The following CSMD3 variants were observed in gnomAD, a reference collection of about 807,000 sequenced individuals.
CSMD3 encodes the protein CUB and Sushi multiple domains 3, also known as CUB and sushi domain-containing protein 3.
In CSMD3, 177 loss-of-function variants were observed where a neutral mutation model predicts 435.2. The observed-to-expected ratio is 0.41, with a 90% confidence interval of 0.36 to 0.46. CSMD3 has a LOEUF of 0.46. CSMD3 is among the 20% of genes least tolerant of loss of function. The pLI, the probability that CSMD3 is intolerant of heterozygous loss-of-function variation, is 0.34. For synonymous variants in CSMD3, 1,656 were observed against 1,520.5 expected (o/e 1.09, Z -2.07); for missense variants, 4,265 against 4,504.6 (o/e 0.95, Z 1.52).
chr8:112,447,615 C>T (rs551238713), intron 32 of CSMD3, among the ~76,000 whole-genome samples: 2 of 152,102 alleles, frequency 1.3e-5, no homozygotes, highest in Admixed American at 1.3e-4. Context: ...CTCTGTGGAC[C>T]TAGCTATCTG....
intron 32 of CSMD3, among the ~76,000 whole-genome samples, chr8:112,420,124 C>G (rs895092130): frequency 6.6e-6 from 1 of 152,090 alleles, no homozygotes; most frequent in African/African-American, 2.4e-5. Context: ...CTCCTATGGA[C>G]TATAAATTAA....
intron 3 of CSMD3, among the ~76,000 whole-genome samples, chr8:113,198,255 T>G (rs1311897922): frequency 1.3e-5 from 2 of 151,370 alleles, no homozygotes; most frequent in African/African-American, 2.4e-5. Flanking sequence ...GATAATAACT[T>G]CCACACGTGG....
At chr8:112,380,223 A>G in intron 38 of CSMD3, 129 bp downstream of exon 38, 1 of 577,804 alleles carries the variant, frequency 1.7e-6, no homozygotes, top group Non-Finnish European at 3.1e-6. Context: ...AATAGTTCAA[A>G]CTTTCAAGAA....
At chr8:112,738,077 G>A (rs1257038461) in intron 13 of CSMD3, among the ~76,000 whole-genome samples, 1 of 151,752 alleles carries the variant, frequency 6.6e-6, no homozygotes, top group Non-Finnish European at 1.5e-5. Context: ...GATAAGACCT[G>A]ACGTTGGTTT....
At chr8:113,306,876 A>G (rs1032141669) in intron 2 of CSMD3, among the ~76,000 whole-genome samples, 10 of 152,152 alleles carry the variant, frequency 6.6e-5, no homozygotes, top group Non-Finnish European at 1.5e-4. Flanking sequence ...AATTATGTCC[A>G]TTAGGCTTTT....
intron 7 of CSMD3, among the ~76,000 whole-genome samples, chr8:112,963,181 C>G (rs1335057309): frequency 6.6e-6 from 1 of 151,888 alleles, no homozygotes; most frequent in East Asian, 1.9e-4. Context: ...TCTTTTAATG[C>G]AAGGCTACAA....
chr8:112,934,934 G>GT (rs1453759790), intron 9 of CSMD3, among the ~76,000 whole-genome samples: 1 of 151,696 alleles, frequency 6.6e-6, no homozygotes, highest in East Asian at 1.9e-4. Context: ...TTCTGATTTT[G>GT]TTTTTTTGCC....
At chr8:112,779,206 T>C (rs2078320573) in intron 13 of CSMD3, among the ~76,000 whole-genome samples, 1 of 151,682 alleles carries the variant, frequency 6.6e-6, no homozygotes, top group Non-Finnish European at 1.5e-5. Context: ...TGTATATGTA[T>C]TTAACATTGA....
At chr8:113,153,130 A>AGAGAAAGAAGGAAGGAAGGAAG (rs2091858997) in intron 4 of CSMD3, among the ~76,000 whole-genome samples, 2 of 82,734 alleles carry the variant, frequency 2.4e-5, no homozygotes, top group African/African-American at 1.3e-4. Context: ...AGAAAGAGAA[A>AGAGAAAGAAGGAAGGAAGGAAG]GAAGGAAGGA....
intron 1 of CSMD3, among the ~76,000 whole-genome samples, chr8:113,399,144 A>G (rs1168136067): frequency 6.8e-6 from 1 of 146,966 alleles, no homozygotes; most frequent in Non-Finnish European, 1.5e-5. Context: ...GTGTGTATAT[A>G]TACAGTAATT....
chr8:112,399,562 C>A (rs1831144793), intron 35 of CSMD3, among the ~76,000 whole-genome samples: 1 of 152,044 alleles, frequency 6.6e-6, no homozygotes, highest in South Asian at 2.1e-4. Flanking sequence ...GTCCCGATTT[C>A]CAATCAATTA....
rs534696340 is a variant in CSMD3 at position 112,855,122 on chromosome 8, T to C, written c.1755+4023A>G. 1.5e-4 allele frequency among the ~76,000 whole-genome samples: 23 copies of C among 152,276 alleles called. No homozygotes were observed. In the Middle Eastern group the frequency reaches 0.01, roughly 68 times the overall value. On this transcript the variant is annotated intron_variant, in intron 11 of 70. Coordinates refer to ENST00000297405, the MANE Select transcript of CSMD3 (RefSeq NM_198123.2). ...TCATAATATCTGTGGTTAAATAAAA[T>C]ATAAAATTAAAATTAATTTCATCTC...
intron 63 of CSMD3, among the ~76,000 whole-genome samples, chr8:112,250,192 C>T (rs1815138883): frequency 1.3e-5 from 2 of 151,878 alleles, no homozygotes; most frequent in South Asian, 4.1e-4. Context: ...TGTTGGACTA[C>T]ATACACTTTG....
intron 22 of CSMD3, among the ~76,000 whole-genome samples, chr8:112,613,100 ATG>A (rs1484889353): frequency 6.6e-6 from 1 of 152,032 alleles, no homozygotes; most frequent in Non-Finnish European, 1.5e-5. Flanking sequence ...AGGAAAGTCT[ATG>A]TGTTATAAAA....
intron 4 of CSMD3, among the ~76,000 whole-genome samples, chr8:113,140,159 C>T (rs889075852): frequency 2.1e-4 from 32 of 150,820 alleles, no homozygotes; most frequent in South Asian, 4.2e-4. Flanking sequence ...CAGAAACGGA[C>T]ATTATATATA....
intron 1 of CSMD3, among the ~76,000 whole-genome samples, chr8:113,409,560 A>G (rs1182255792): frequency 6.6e-6 from 1 of 152,180 alleles, no homozygotes; most frequent in Non-Finnish European, 1.5e-5. Context: ...CAAATAACAC[A>G]AATGTAAATA....
At chr8:112,533,926 A>G (rs1169780008) in intron 27 of CSMD3, among the ~76,000 whole-genome samples, 10 of 152,232 alleles carry the variant, frequency 6.6e-5, no homozygotes, top group Non-Finnish European at 8.8e-5. Flanking sequence ...TCTGACTATA[A>G]TGGAATAAAA....
intron 13 of CSMD3, among the ~76,000 whole-genome samples, chr8:112,705,432 C>A (rs779726467): frequency 5.3e-5 from 8 of 152,054 alleles, no homozygotes; most frequent in Non-Finnish European, 1.0e-4. Context: ...TTTAGGATTT[C>A]TTTGTCTAAA....
intron 3 of CSMD3, among the ~76,000 whole-genome samples, chr8:113,196,335 G>T (rs2092655740): frequency 6.6e-6 from 1 of 151,158 alleles, no homozygotes; most frequent in South Asian, 2.1e-4. Flanking sequence ...TCAGAAGAAG[G>T]GACATTTTGC....
Sources: allele counts gnomAD v4.1 joint callset (sites outside exome capture counted in the v4.1 genomes callset), GRCh38; gene constraint gnomAD v4.1.1; transcripts MANE v1.5; gene names NCBI Gene and HGNC (gene_info 2026-07-23, HGNC 2026-07-21).